Variants in NCAN observed in about 807,000 individuals in gnomAD.
The protein encoded by NCAN is neurocan core protein.
Under a neutral mutation model 121.8 loss-of-function variants are expected in NCAN, and 47 were observed. The observed-to-expected ratio is 0.39, with a 90% CI of 0.31 to 0.49. The LOEUF (loss-of-function observed/expected upper bound fraction) is 0.49. Among genes scored for constraint, NCAN ranks in the 20% least tolerant of loss-of-function variants. The pLI, the probability that NCAN is intolerant of heterozygous loss-of-function variation, is 0.92. For missense variants in NCAN, 1,517 were observed against 1,773.4 expected (o/e 0.86, Z 2.60); for synonymous variants, 633 against 702.0 (o/e 0.90, Z 1.55).
chr19:19,238,355 G>T lies in NCAN; in HGVS notation c.3353G>T (p.Arg1118Leu). The T allele has an allele frequency of 6.2e-7, 1 of 1,614,174 alleles. No homozygotes were observed. Among genetic ancestry groups the T allele is most frequent in the Non-Finnish European group, 8.5e-7 (1 of 1,180,042 alleles). Residue 1118 changes from arginine to leucine, a missense_variant, in exon 11 of 15, where the codon CGC becomes CTC. Coordinates refer to ENST00000252575, the MANE Select transcript of NCAN (RefSeq NM_004386.3). ...AWEDAEKDCR[R>L]RSGHLTSVHS... ...GAAGATGCCGAGAAGGACTGCCGCC[G>T]CCGCTCCGGCCACCTGACCAGCGTC...
chr19:19,217,844 A>C (rs1314176312), intron 2 of NCAN, among the ~76,000 whole-genome samples: 2 of 152,062 alleles, frequency 1.3e-5, no homozygotes, highest in Non-Finnish European at 2.9e-5. Context: ...AAAATTAGCC[A>C]GGTGTGGTGG....
At chr19:19,240,136 G>C (rs1599821349) in intron 11 of NCAN, among the ~76,000 whole-genome samples, 3 of 108,230 alleles carry the variant, frequency 2.8e-5, no homozygotes, top group African/African-American at 3.6e-5. Flanking sequence ...TCCCACTCCT[G>C]CCCCTCCTCC....
Position 19,245,376 on chromosome 19 carries a change from G to A in NCAN, c.3556G>A (p.Val1186Met). 6.2e-7 allele frequency: 1 copy of A among 1,614,264 alleles called. No individual in the cohort carries two copies. Among genetic ancestry groups the A allele is most frequent in the Non-Finnish European group, 8.5e-7 (1 of 1,180,048 alleles). ...NFFAGGEDCVVMVAHESGRWN... is the reference protein window; with the variant it reads ...NFFAGGEDCVMMVAHESGRWN... The stretch of plus-strand genomic sequence containing the variant: ...CTTCGCGGGTGGCGAGGACTGTGTG[G>A]TGATGGTGGCGCATGAAAGCGGGCG... Residue 1186 changes from valine to methionine, a missense_variant, in exon 13 of 15, where the codon GTG becomes ATG. By Grantham distance (21) the Val-to-Met change is conservative. Coordinates refer to ENST00000252575, the MANE Select transcript of NCAN (RefSeq NM_004386.3).
rs375492062 is a variant in NCAN at position 19,232,513 on chromosome 19, A to G, written c.3020-1276A>G. Among the ~76,000 whole-genome samples the G allele has an allele frequency of 1.2e-3, 188 of 152,358 alleles. 1 individual carries two copies. The highest frequency in any genetic ancestry group is 4.2e-3 in the African/African-American group (176 of 41,592). On this transcript the variant is annotated intron_variant, in intron 8 of 14. Coordinates refer to ENST00000252575, the MANE Select transcript of NCAN (RefSeq NM_004386.3). ...CCATCCATGGGGCCACCCCAGGGAC[A>G]GGCCTCAGCTACCGCAGGAGGGCCA...
chr19:19,245,455 C>A lies in NCAN; in HGVS notation c.3635C>A (p.Thr1212Lys). Residue 1212 changes from threonine (T) to lysine (K), a missense_variant and splice_region_variant, in exon 13 of 15, where the codon ACA becomes AAA. Thr to Lys is a moderately conservative substitution (Grantham distance 78). Transcript: ENST00000252575. Reference sequence around the variant, plus strand: ...CTACCCTATGTCTGCAAGAAGGGCACAGGTATGCTGTGCCCCCTGCTTCTT... The same window carrying A: ...CTACCCTATGTCTGCAAGAAGGGCAAAGGTATGCTGTGCCCCCTGCTTCTT... The part of the protein sequence containing the change: ...YNLPYVCKKG[T>K]VLCGPPPAVE... 1.2e-6 allele frequency: 2 copies of A among 1,613,890 alleles called. No homozygotes were observed. Among genetic ancestry groups the A allele is most frequent in the Non-Finnish European group, 8.5e-7 (1 of 1,179,864 alleles).
intron 11 of NCAN, chr19:19,238,690 C>A: frequency 2.1e-6 from 1 of 477,494 alleles, no homozygotes; most frequent in South Asian, 2.1e-5. Context: ...AGCACAGCAG[C>A]AATCAAGGCT....
intron 2 of NCAN, among the ~76,000 whole-genome samples, chr19:19,217,295 AG>A (rs1432223640): frequency 4.6e-5 from 7 of 152,234 alleles, no homozygotes; most frequent in Non-Finnish European, 1.0e-4. Context: ...AAATGAGAAT[AG>A]TGCAGAGATT....
chr19:19,235,767 G>T (rs1350063093), intron 10 of NCAN, among the ~76,000 whole-genome samples: 1 of 150,654 alleles, frequency 6.6e-6, no homozygotes, highest in Non-Finnish European at 1.5e-5. Context: ...TTTGAGACAG[G>T]GTCTCACCCT....
intron 3 of NCAN, among the ~76,000 whole-genome samples, chr19:19,220,644 A>G (rs1406411595): frequency 6.6e-6 from 1 of 151,940 alleles, no homozygotes; most frequent in African/African-American, 2.4e-5. Flanking sequence ...TTTTTAGTAG[A>G]GACGGGGTTT....
In NCAN at chr19:19,227,854, C is replaced by G. The variant is rs1332916962; in HGVS notation, c.2234C>G (p.Thr745Ser). The change falls in exon 8 of 15, where the codon ACT (threonine) becomes AGT (serine). Residue 745 changes from threonine (T) to serine (S), a missense_variant. By Grantham distance (58) the Thr-to-Ser change is moderately conservative. Transcript: ENST00000252575. The surrounding 1 kb of genome is among the most constrained non-coding windows in gnomAD (Gnocchi z 4.2). ...AVGFVPTETA[T>S]EPTGLRGIPG... is the part of the protein sequence containing the mutation. ...GGTTTTGTCCCCACTGAGACTGCCA[C>G]TGAGCCAACGGGCCTCAGGGGTATC... The G allele has an allele frequency of 8.7e-6, 14 of 1,613,732 alleles. No homozygotes were observed. Among genetic ancestry groups the G allele is most frequent in the Non-Finnish European group, 1.2e-5 (14 of 1,180,024 alleles).
At chr19:19,240,819 G>C in intron 12 of NCAN, 134 bp downstream of exon 12, 2 of 848,422 alleles carry the variant, frequency 2.4e-6, no homozygotes, top group Non-Finnish European at 3.8e-6. Context: ...TGCTGGAGTT[G>C]GCAAAGGAGC....
chr19:19,245,971 C>G (rs1379478321), intron 13 of NCAN, among the ~76,000 whole-genome samples: 1 of 151,972 alleles, frequency 6.6e-6, no homozygotes, highest in Non-Finnish European at 1.5e-5. Context: ...CCTGTAATCC[C>G]AACACTTTGG....
In NCAN at chr19:19,226,586, G is replaced by A. The variant is rs749079193; in HGVS notation, c.1173G>A (p.Glu391=). The A allele has an allele frequency of 6.2e-7, 1 of 1,613,872 alleles. No homozygotes were observed. Among genetic ancestry groups the A allele is most frequent in the South Asian group, 1.1e-5 (1 of 91,090 alleles). The change falls in exon 7 of 15, where the codon GAG becomes GAA. Residue 391 remains glutamate (E), a synonymous_variant. Coordinates refer to ENST00000252575, the MANE Select transcript of NCAN (RefSeq NM_004386.3). The stretch of plus-strand genomic sequence containing the variant: ...AGGGGCCCCCAGTTAGAGAACTGGA[G>A]CCCACCCTGGAGGAGGAAGAGGTGG... ...SAEGPPVREL[E]PTLEEEEVVT... is the part of the protein sequence containing the mutation.
chr19:19,246,603 G>T (rs538501064), intron 13 of NCAN, among the ~76,000 whole-genome samples: 2 of 152,002 alleles, frequency 1.3e-5, no homozygotes, highest in East Asian at 3.9e-4. Context: ...TTGCAGTCTC[G>T]GCTCACTGCA....
rs1162927531 is a variant in NCAN at position 19,212,745 on chromosome 19, T to C, written c.-8+681T>C. Among the ~76,000 whole-genome samples the C allele has an allele frequency of 6.6e-6, 1 of 152,140 alleles. No homozygotes were observed. Among genetic ancestry groups the C allele is most frequent in the Non-Finnish European group, 1.5e-5 (1 of 67,992 alleles). On this transcript the variant is annotated intron_variant, in intron 1 of 14. Transcript: ENST00000252575. The surrounding 1 kb of genome is among the most constrained non-coding windows in gnomAD (Gnocchi z 4.5). The stretch of plus-strand genomic sequence containing the variant: ...CCTTGGGTTGAGGTGTTGTCCCTTA[T>C]CCCAGGGAACACACTGGGTGTCCCA...
chr19:19,249,667 T>G, intron 14 of NCAN, 99 bp from the exon 15 acceptor site: 3 of 1,504,858 alleles, frequency 2.0e-6, no homozygotes, highest in Non-Finnish European at 2.7e-6. Flanking sequence ...GCGTCTGGCC[T>G]CTTTCCTCTA....
At chr19:19,221,698 C>T (rs563816495) in intron 3 of NCAN, among the ~76,000 whole-genome samples, 2 of 152,052 alleles carry the variant, frequency 1.3e-5, no homozygotes, top group Non-Finnish European at 2.9e-5. Flanking sequence ...CCAGTCTGAG[C>T]AAGATGGTGA....
At chr19:19,237,007 C>T (rs1288991211) in intron 10 of NCAN, among the ~76,000 whole-genome samples, 3 of 151,964 alleles carry the variant, frequency 2.0e-5, no homozygotes, top group Non-Finnish European at 2.9e-5. Context: ...CTCCACCTCC[C>T]GGTTCAAGTG....
At chr19:19,240,186 C>T (rs2060898392) in intron 11 of NCAN, among the ~76,000 whole-genome samples, 1 of 149,652 alleles carries the variant, frequency 6.7e-6, no homozygotes, top group African/African-American at 2.5e-5. Flanking sequence ...TCATCTCTCT[C>T]CTTCTCCCTT....
Sources: allele counts gnomAD v4.1 joint callset (sites outside exome capture counted in the v4.1 genomes callset), GRCh38; gene constraint gnomAD v4.1.1; non-coding constraint Gnocchi (gnomAD v3.1); transcripts MANE v1.5; gene names NCBI Gene and HGNC (gene_info 2026-07-23, HGNC 2026-07-21).